Variants in CAP2 observed in about 807,000 individuals in gnomAD.
CAP2 encodes the protein adenylyl cyclase-associated protein 2.
CAP2 carries 24 observed loss-of-function variants against 57.7 expected under a neutral mutation model. The ratio of observed to expected loss-of-function variants is 0.42; its 90% CI spans 0.30 to 0.58. CAP2 has a LOEUF of 0.58. Among genes scored for constraint, CAP2 ranks in the 20% least tolerant of loss-of-function variants. CAP2 has a pLI of 0.22. For synonymous variants in CAP2, 194 were observed against 207.2 expected (o/e 0.94, Z 0.55); for missense variants, 501 against 590.3 (o/e 0.85, Z 1.57).
chr6:17,494,005 A>C (rs928631853), intron 4 of CAP2, among the ~76,000 whole-genome samples: 3 of 152,074 alleles, frequency 2.0e-5, no homozygotes, highest in Non-Finnish European at 1.5e-5. Context: ...CTGACTCCTC[A>C]TTTGCTTTGA....
chr6:17,436,067 ATCTT>A lies in CAP2; in HGVS notation c.222+9396_222+9399del, dbSNP rs1345218299. 1.8e-3 allele frequency among the ~76,000 whole-genome samples: 262 copies of A among 144,048 alleles called. 2 individuals carry two copies. The highest frequency in any genetic ancestry group is 4.8e-3 in the African/African-American group (183 of 38,070). 94.5% of individuals were successfully genotyped at this position (144,048 alleles called of 152,430 possible). A position where few individuals can be genotyped will look rare whatever the true frequency, so the allele number is the denominator to read the frequency against. Reference sequence around the variant, plus strand: ...AATCTTGGCATGGTTAAACTAAGGAATCTTTCTTTCTTTCTTTCTTTCCTTCCTT... The same window carrying A: ...AATCTTGGCATGGTTAAACTAAGGAATCTTTCTTTCTTTCTTTCCTTCCTT... On this transcript the variant is annotated intron_variant, in intron 3 of 12. Coordinates refer to ENST00000229922, the MANE Select transcript of CAP2 (RefSeq NM_006366.3).
At chr6:17,515,194 C>T (rs1012282054) in intron 7 of CAP2, among the ~76,000 whole-genome samples, 2 of 146,624 alleles carry the variant, frequency 1.4e-5, no homozygotes, top group Non-Finnish European at 3.0e-5. Context: ...AAGACTCTGT[C>T]TCAAAAAAAA....
At chr6:17,527,426 G>T (rs1276900276) in intron 7 of CAP2, among the ~76,000 whole-genome samples, 2 of 151,990 alleles carry the variant, frequency 1.3e-5, no homozygotes, top group Non-Finnish European at 2.9e-5. Context: ...GTATTCTCAA[G>T]CTGGCAGACA....
chr6:17,431,292 G>C (rs1301635086), intron 3 of CAP2, among the ~76,000 whole-genome samples: 1 of 151,796 alleles, frequency 6.6e-6, no homozygotes, highest in East Asian at 1.9e-4. Context: ...GTGTACCCCT[G>C]AACCTAAACT....
chr6:17,393,714 T>C lies in CAP2; in HGVS notation c.-34T>C, dbSNP rs1758595504. 1 of 151,956 alleles carries C rather than the reference T, an allele frequency of 6.6e-6. No individual in the cohort carries two copies. The highest frequency in any genetic ancestry group is 1.5e-5 in the Non-Finnish European group (1 of 68,060). The allele number at this position is 151,956 out of a possible 1,614,324, so 9.4% of individuals were successfully genotyped here. A position where few individuals can be genotyped will look rare whatever the true frequency, so the allele number is the denominator to read the frequency against. The stretch of plus-strand genomic sequence containing the variant: ...CGAGTGGCCGACCACGGATTTGCAT[T>C]GCCGAGGACGGGACCCCAGGGCAGC... On this transcript the variant is annotated 5_prime_UTR_variant, in exon 1 of 13. Coordinates refer to ENST00000229922, the MANE Select transcript of CAP2 (RefSeq NM_006366.3).
At chr6:17,453,229 G>C (rs1277571844) in intron 3 of CAP2, among the ~76,000 whole-genome samples, 3 of 152,206 alleles carry the variant, frequency 2.0e-5, no homozygotes, top group Non-Finnish European at 4.4e-5. Flanking sequence ...AAGAATGCTA[G>C]AGGGAGCAGA....
intron 6 of CAP2, among the ~76,000 whole-genome samples, chr6:17,508,928 T>C (rs1401942233): frequency 6.6e-6 from 1 of 151,988 alleles, no homozygotes; most frequent in Non-Finnish European, 1.5e-5. Flanking sequence ...CAGCTAATTT[T>C]TGTATATTTA....
intron 3 of CAP2, among the ~76,000 whole-genome samples, chr6:17,446,969 A>G (rs1284598792): frequency 1.3e-5 from 2 of 152,130 alleles, no homozygotes; most frequent in African/African-American, 2.4e-5. Context: ...TGAGTTCTCA[A>G]TGCAGGTGAG....
chr6:17,435,742 A>AAC (rs1759863853), intron 3 of CAP2, among the ~76,000 whole-genome samples: 2 of 138,224 alleles, frequency 1.4e-5, no homozygotes, highest in Non-Finnish European at 3.2e-5. Flanking sequence ...ACAAAAAAAA[A>AAC]ACAATATATT....
rs933337635 is a variant in CAP2 at position 17,482,334 on chromosome 6, C to G, written c.300+19261C>G. 3.9e-5 allele frequency among the ~76,000 whole-genome samples: 6 copies of G among 151,904 alleles called. No homozygotes were observed. In the East Asian group the frequency reaches 9.7e-4, roughly 24 times the overall value. On this transcript the variant is annotated intron_variant, in intron 4 of 12. Coordinates refer to ENST00000229922, the MANE Select transcript of CAP2 (RefSeq NM_006366.3). ...ACCATCCTGGCCAACATGGTGAAAC[C>G]CCGTCTCTACTAAAAATACAAAAAA...
At chr6:17,412,107 A>G (rs1383740093) in intron 1 of CAP2, among the ~76,000 whole-genome samples, 4 of 151,924 alleles carry the variant, frequency 2.6e-5, no homozygotes, top group Admixed American at 2.6e-4. Flanking sequence ...CATCACCCCA[A>G]GTCAGTGCAC....
chr6:17,492,692 G>A (rs576850531), intron 4 of CAP2, among the ~76,000 whole-genome samples: 6 of 152,296 alleles, frequency 3.9e-5, no homozygotes, highest in Non-Finnish European at 7.4e-5. Context: ...TCAGTCAAAC[G>A]TTGTAGTCAG....
chr6:17,463,256 A>G (rs1400345120), intron 4 of CAP2, among the ~76,000 whole-genome samples, 183 bp downstream of exon 4: 1 of 150,400 alleles, frequency 6.6e-6, no homozygotes, highest in African/African-American at 2.5e-5. Flanking sequence ...TAATCTCATT[A>G]ATAGTAGACA....
intron 7 of CAP2, among the ~76,000 whole-genome samples, chr6:17,526,211 G>A (rs1027468228): frequency 1.3e-5 from 2 of 151,668 alleles, no homozygotes; most frequent in African/African-American, 4.8e-5. Context: ...TCCACCTCCC[G>A]GGTTCAAGCT....
chr6:17,435,713 C>T (rs1404486429), intron 3 of CAP2, among the ~76,000 whole-genome samples: 9 of 107,858 alleles, frequency 8.3e-5, no homozygotes, highest in African/African-American at 2.6e-4. Context: ...AAGAAGTTTA[C>T]GGATAAAAAA....
chr6:17,427,129 A>AGGT (rs1396536076), intron 3 of CAP2, among the ~76,000 whole-genome samples: 1 of 152,130 alleles, frequency 6.6e-6, no homozygotes, highest in East Asian at 1.9e-4. Context: ...TGATGGAGAG[A>AGGT]GGTAGTGAGC....
At chr6:17,531,117 A>ATCATCTG in intron 7 of CAP2, 1 of 762,294 alleles carries the variant, frequency 1.3e-6, no homozygotes, top group South Asian at 1.4e-5. Flanking sequence ...AGATTGAGCC[A>ATCATCTG]TCAAAGCCTC....
chr6:17,520,253 G>A (rs962755866), intron 7 of CAP2, among the ~76,000 whole-genome samples: 5 of 152,010 alleles, frequency 3.3e-5, no homozygotes, highest in African/African-American at 7.3e-5. Context: ...GGCTACAGGC[G>A]TGCACCAACA....
At chr6:17,511,343 G>A (rs1282083837) in intron 6 of CAP2, among the ~76,000 whole-genome samples, 1 of 152,198 alleles carries the variant, frequency 6.6e-6, no homozygotes, top group African/African-American at 2.4e-5. Flanking sequence ...CGTAGGTAGA[G>A]GAGTAGAAAG....
Sources: allele counts gnomAD v4.1 joint callset (sites outside exome capture counted in the v4.1 genomes callset), GRCh38; gene constraint gnomAD v4.1.1; transcripts MANE v1.5; gene names NCBI Gene and HGNC (gene_info 2026-07-23, HGNC 2026-07-21).